Variants in BDH1 observed in about 807,000 individuals in gnomAD.
BDH1 encodes D-beta-hydroxybutyrate dehydrogenase, mitochondrial.
BDH1 carries 30 observed loss-of-function variants against 33.1 expected under a neutral mutation model. The ratio of observed to expected loss-of-function variants is 0.91; its 90% CI spans 0.68 to 1.23. BDH1 has a LOEUF of 1.23. Ranked by LOEUF, BDH1 falls within the 50% of genes most tolerant of loss-of-function variation. The pLI is 0.00. For missense variants in BDH1, 443 were observed against 464.4 expected (o/e 0.95, Z 0.42); for synonymous variants, 190 against 183.6 (o/e 1.03, Z -0.28).
chr3:197,569,189 CT>C (rs1397259024), intron 1 of BDH1, among the ~76,000 whole-genome samples: 1 of 152,086 alleles, frequency 6.6e-6, no homozygotes, highest in Non-Finnish European at 1.5e-5. Flanking sequence ...TTCTGAGGTT[CT>C]TTCTTTGAAG....
At chr3:197,555,274 G>T in intron 1 of BDH1, 1 of 154,524 alleles carries the variant, frequency 6.5e-6, no homozygotes. Flanking sequence ...GGAGGGACGC[G>T]GACGGGACTG....
intron 3 of BDH1, among the ~76,000 whole-genome samples, chr3:197,540,281 T>C (rs1408057909): frequency 6.8e-6 from 1 of 148,020 alleles, no homozygotes; most frequent in Non-Finnish European, 1.5e-5. Context: ...CTCGAACTCC[T>C]GGCCTCAAGT....
At chr3:197,512,621 C>A (rs1475923334) in intron 7 of BDH1, among the ~76,000 whole-genome samples, 1 of 152,214 alleles carries the variant, frequency 6.6e-6, no homozygotes, top group Non-Finnish European at 1.5e-5. Context: ...TAATGGGCAA[C>A]ACGCAACTGA....
intron 6 of BDH1, chr3:197,515,841 T>C (rs1712649496): frequency 1.5e-5 from 7 of 465,630 alleles, no homozygotes; most frequent in Non-Finnish European, 2.0e-5. Flanking sequence ...GAGGCAGAGG[T>C]TGCAATGAGC....
At chr3:197,515,912 ACACG>A (rs754654963) in intron 6 of BDH1, 95 of 153,768 alleles carry the variant, frequency 6.2e-4, no homozygotes, top group South Asian at 2.3e-3. Flanking sequence ...ACACACACAC[ACACG>A]CGCGCGCGCG....
upstream of BDH1, among the ~76,000 whole-genome samples, chr3:197,560,782 G>A (rs1188999776): frequency 6.6e-6 from 1 of 152,212 alleles, no homozygotes; most frequent in African/African-American, 2.4e-5. Flanking sequence ...GGGCAACCCA[G>A]CCTCCCATTC....
chr3:197,548,603 C>A, intron 2 of BDH1, among the ~76,000 whole-genome samples: 1 of 152,108 alleles, frequency 6.6e-6, no homozygotes, highest in East Asian at 1.9e-4. Flanking sequence ...GTAATCCCAG[C>A]ACTTTGGGAG....
intron 1 of BDH1, among the ~76,000 whole-genome samples, chr3:197,571,148 C>A (rs1451432989): frequency 6.6e-6 from 1 of 152,184 alleles, no homozygotes; most frequent in Non-Finnish European, 1.5e-5. Flanking sequence ...TCGTTTTGAC[C>A]CATTTCTCCC....
At chr3:197,563,280 AC>A (rs1460388587) in intron 1 of BDH1, among the ~76,000 whole-genome samples, 1 of 152,210 alleles carries the variant, frequency 6.6e-6, no homozygotes, top group Non-Finnish European at 1.5e-5. Context: ...TTGCTGTCTG[AC>A]TTTTATGTGA....
intron 1 of BDH1, among the ~76,000 whole-genome samples, chr3:197,571,518 T>C (rs1228742687): frequency 1.3e-5 from 2 of 152,208 alleles, no homozygotes; most frequent in Non-Finnish European, 1.5e-5. Context: ...GTTCCCCCCG[T>C]AGTTTTCACA....
chr3:197,518,104 CA>C (rs1287544445), intron 6 of BDH1, among the ~76,000 whole-genome samples: 1 of 31,552 alleles, frequency 3.2e-5, no homozygotes, highest in African/African-American at 1.3e-4. Context: ...TGACCCCCCC[CA>C]ATCAGTCACT....
chr3:197,544,073 G>A (rs1405621341), intron 3 of BDH1, among the ~76,000 whole-genome samples: 3 of 152,196 alleles, frequency 2.0e-5, no homozygotes, highest in African/African-American at 7.2e-5. Flanking sequence ...CACAGGTGCA[G>A]ACTGGAGTAT....
At chr3:197,570,361 CAGA>C (rs1340869200) in intron 1 of BDH1, among the ~76,000 whole-genome samples, 1 of 152,182 alleles carries the variant, frequency 6.6e-6, no homozygotes, top group Admixed American at 6.5e-5. Flanking sequence ...AAGCTGGCTG[CAGA>C]AATTTGCATA....
Position 197,542,521 on chromosome 3 carries a change from C to CTTTTTTTTTTTTTTTT in BDH1, c.83+3824_83+3839dup, listed in dbSNP as rs71164295. ...GTCAACACGCTTTCTTTCTTGCTTG[C>CTTTTTTTTTTTTTTTT]TTTTTTTTTTTTTTTTTTTGAGACG... On this transcript the variant is annotated intron_variant, in intron 3 of 7. Transcript: ENST00000392379. Among the ~76,000 whole-genome samples the CTTTTTTTTTTTTTTTT allele has an allele frequency of 1.3e-4, 14 of 106,418 alleles. 2 individuals carry two copies. Among genetic ancestry groups the CTTTTTTTTTTTTTTTT allele is most frequent in the African/African-American group, 4.7e-4 (11 of 23,446 alleles). The allele number at this position is 106,418 out of a possible 152,430, so 69.8% of individuals were successfully genotyped here. A position where few individuals can be genotyped will look rare whatever the true frequency, so the allele number is the denominator to read the frequency against.
intron 4 of BDH1, 58 bp downstream of exon 4, chr3:197,533,431 C>T (rs911486390): frequency 1.3e-6 from 2 of 1,566,424 alleles, no homozygotes; most frequent in Admixed American, 3.3e-5. Context: ...GCCTAGGGGC[C>T]CAGAAGAAAG....
chr3:197,540,059 CT>C (rs149991932), intron 3 of BDH1, among the ~76,000 whole-genome samples: 361 of 148,736 alleles, frequency 2.4e-3, no homozygotes, highest in African/African-American at 8.1e-3. Flanking sequence ...ACCCTTAGCA[CT>C]TTTTTTTTTA....
At chr3:197,541,620 G>A (rs1298327146) in intron 3 of BDH1, among the ~76,000 whole-genome samples, 5 of 151,926 alleles carry the variant, frequency 3.3e-5, no homozygotes, top group Non-Finnish European at 5.9e-5. Context: ...CTACTTTTGC[G>A]TATGTTTGAG....
rs147271426 is a variant in BDH1 at position 197,521,263 on chromosome 3, G to T, written c.409+1377C>A. On this transcript the variant is annotated intron_variant, in intron 6 of 7. Transcript: ENST00000392379. This position sits in a 1 kb window ranked among gnomAD's most constrained non-coding sequence, Gnocchi z 4.9. ...TTCTCCAGATGCTGCTGGGCGGCCC[G>T]GCTCCAGGGAGCTCCATCCCCCACT... Among the ~76,000 whole-genome samples the T allele has an allele frequency of 1.3e-3, 194 of 152,254 alleles. No individual in the cohort carries two copies. The highest frequency in any genetic ancestry group is 1.5e-3 in the Non-Finnish European group (99 of 68,018).
chr3:197,544,628 G>A (rs1017512465), intron 3 of BDH1, among the ~76,000 whole-genome samples: 6 of 152,192 alleles, frequency 3.9e-5, no homozygotes, highest in African/African-American at 1.4e-4. Flanking sequence ...CGCCGTCCCC[G>A]CTGTGATGGC....
Sources: allele counts gnomAD v4.1 joint callset (sites outside exome capture counted in the v4.1 genomes callset), GRCh38; gene constraint gnomAD v4.1.1; non-coding constraint Gnocchi (gnomAD v3.1); transcripts MANE v1.5; gene names NCBI Gene and HGNC (gene_info 2026-07-23, HGNC 2026-07-21).